SEZ6: variants seen among roughly 807,000 people sequenced by gnomAD.
The protein encoded by SEZ6 is seizure related 6 homolog, also known as seizure protein 6 homolog.
In SEZ6, 53 loss-of-function variants were observed where a neutral mutation model predicts 101.0. The ratio of observed to expected loss-of-function variants is 0.52; its 90% CI spans 0.42 to 0.66. The LOEUF is 0.66. Ranked by LOEUF, SEZ6 falls within the 30% of genes least tolerant of loss-of-function variation. The pLI is 0.00. For missense variants in SEZ6, 1,102 were observed against 1,289.4 expected (o/e 0.85, Z 2.23); for synonymous variants, 488 against 512.2 (o/e 0.95, Z 0.64).
Position 28,981,863 on chromosome 17 carries a change from G to A in SEZ6, c.232C>T (p.Gln78Ter). 1 of 1,613,908 alleles carries A rather than the reference G, an allele frequency of 6.2e-7. No individual in the cohort carries two copies. The highest frequency in any genetic ancestry group is 8.5e-7 in the Non-Finnish European group (1 of 1,179,860). The change falls in exon 2 of 17, where the codon CAA becomes TAA. Residue 78 changes from glutamine (Q) to a stop codon, truncating the protein, a stop_gained. Coordinates refer to ENST00000317338, the MANE Select transcript of SEZ6 (RefSeq NM_178860.5). LOFTEE classifies it high-confidence loss of function. ...NHHPLLEEFL[Q>*]EGLEKGDEEL... Reference sequence around the variant, plus strand: ...TCATCTCCCTTTTCCAGCCCCTCTTGTAGGAATTCCTCAAGCAGCGGGTGG... The same window carrying A: ...TCATCTCCCTTTTCCAGCCCCTCTTATAGGAATTCCTCAAGCAGCGGGTGG...
intron 1 of SEZ6, among the ~76,000 whole-genome samples, chr17:28,990,870 A>G (rs745908838): frequency 1.3e-5 from 2 of 152,168 alleles, no homozygotes; most frequent in African/African-American, 2.4e-5. Context: ...GGCTGATTTG[A>G]GTAGTAATAA....
Position 28,959,616 on chromosome 17 carries a change from C to A in SEZ6, c.1771+82G>T. 6.5e-7 allele frequency: 1 copy of A among 1,532,068 alleles called. No homozygotes were observed. Among genetic ancestry groups the A allele is most frequent in the Non-Finnish European group, 8.8e-7 (1 of 1,140,856 alleles). 94.9% of individuals were successfully genotyped at this position (1,532,068 alleles called of 1,614,324 possible). On this transcript the variant is annotated intron_variant, in intron 8 of 16. Coordinates refer to ENST00000317338, the MANE Select transcript of SEZ6 (RefSeq NM_178860.5). This position sits in a 1 kb window ranked among gnomAD's most constrained non-coding sequence, Gnocchi z 4.4. ...CTGAACCACGCATATCACAGGGCCC[C>A]TGTGGCCCCGGGCTCTGCTGCTATT...
At position 28,955,892 on chromosome 17, in the gene SEZ6, A is replaced by C; in HGVS notation, c.*70T>G. 6.6e-7 allele frequency: 1 copy of C among 1,511,564 alleles called. No homozygotes were observed. 93.6% of individuals were successfully genotyped at this position (1,511,564 alleles called of 1,614,324 possible). A position where few individuals can be genotyped will look rare whatever the true frequency, so the allele number is the denominator to read the frequency against. ...GGTGGAGGGACAGCAGGAAGCAAGG[A>C]GCCTTGCTGCTGGACTGTGGTGCAA... On this transcript the variant is annotated 3_prime_UTR_variant, in exon 17 of 17. Transcript: ENST00000317338.
At position 28,957,184 on chromosome 17, in the gene SEZ6, A is replaced by C; in HGVS notation, c.2553T>G (p.Pro851=). ...LSAPENGARS[P]EKQLHPAGAT... is the part of the protein sequence containing the mutation. ...CCCCTGCTGGGTGTAGCTGCTTCTC[A>C]GGACTTCGGGCACCATTCTCAGGGG... Residue 851 remains proline (P), a synonymous_variant, in exon 13 of 17, where the codon CCT becomes CCG. Coordinates refer to ENST00000317338, the MANE Select transcript of SEZ6 (RefSeq NM_178860.5). 1 of 1,614,000 alleles carries C rather than the reference A, an allele frequency of 6.2e-7. No individual in the cohort carries two copies. Among genetic ancestry groups the C allele is most frequent in the Non-Finnish European group, 8.5e-7 (1 of 1,179,874 alleles).
intron 11 of SEZ6, 51 bp from the exon 12 acceptor site, chr17:28,957,590 G>T: frequency 6.4e-7 from 1 of 1,556,666 alleles, no homozygotes; most frequent in Admixed American, 1.9e-5. Flanking sequence ...ACTAAGCAGA[G>T]GCCAATCCAC....
At chr17:28,985,181 C>T (rs958836269) in intron 1 of SEZ6, among the ~76,000 whole-genome samples, 1 of 152,228 alleles carries the variant, frequency 6.6e-6, no homozygotes, top group African/African-American at 2.4e-5. Context: ...ACTGGAGCTA[C>T]ACAGCAGACA....
intron 12 of SEZ6, 49 bp downstream of exon 12, chr17:28,957,299 T>A: frequency 6.2e-7 from 1 of 1,610,894 alleles, no homozygotes; most frequent in Non-Finnish European, 8.5e-7. Flanking sequence ...CAGGGCAGCA[T>A]CTTTTATCTC....
chr17:29,002,088 C>T (rs61097410), intron 1 of SEZ6, among the ~76,000 whole-genome samples: 5 of 137,884 alleles, frequency 3.6e-5, no homozygotes, highest in African/African-American at 1.1e-4. Flanking sequence ...CCTCTTTCTT[C>T]TTTTTTTTTT....
At chr17:28,984,273 C>T (rs2041347896) in intron 1 of SEZ6, among the ~76,000 whole-genome samples, 1 of 152,236 alleles carries the variant, frequency 6.6e-6, no homozygotes, top group African/African-American at 2.4e-5. Context: ...GCCCACCCCC[C>T]AGACATCACA....
In SEZ6 at chr17:28,970,265, C is replaced by T. The variant is rs575867150; in HGVS notation, c.859-313G>A. On this transcript the variant is annotated intron_variant, in intron 3 of 16. Transcript: ENST00000317338. ...GATACACCAGCTGCTTCCTGTCCTG[C>T]CCCTCCCTGGGCTCTGTTTTCTCAT... Among the ~76,000 whole-genome samples the T allele has an allele frequency of 4.6e-5, 7 of 152,326 alleles. No homozygotes were observed. The South Asian group carries it at 1.5e-3, about 32-fold the overall frequency.
intron 1 of SEZ6, among the ~76,000 whole-genome samples, chr17:28,995,169 G>C (rs537600383): frequency 5.3e-5 from 8 of 152,154 alleles, no homozygotes; most frequent in Non-Finnish European, 8.8e-5. Context: ...CACCGCGCCC[G>C]GCCGACTTGT....
At chr17:28,962,180 T>C (rs1241771233) in intron 5 of SEZ6, among the ~76,000 whole-genome samples, 1 of 152,202 alleles carries the variant, frequency 6.6e-6, no homozygotes, top group Non-Finnish European at 1.5e-5. Context: ...GCTCACTATC[T>C]TGTGCTATTT....
intron 4 of SEZ6, among the ~76,000 whole-genome samples, chr17:28,966,319 CAAA>C (rs35028548): frequency 7.9e-6 from 1 of 127,328 alleles, no homozygotes; most frequent in African/African-American, 2.8e-5. Context: ...ACTAAAAATA[CAAA>C]AAAAAAAAAA....
At chr17:28,989,085 T>C (rs868596693) in intron 1 of SEZ6, among the ~76,000 whole-genome samples, 1 of 151,936 alleles carries the variant, frequency 6.6e-6, no homozygotes, top group Non-Finnish European at 1.5e-5. Context: ...TGGGTGGAGG[T>C]AGTGGGCACC....
In SEZ6 at chr17:28,960,333, C is replaced by T. The variant is rs566359164; in HGVS notation, c.1576+172G>A. On this transcript the variant is annotated intron_variant, in intron 7 of 16. Transcript: ENST00000317338. ...TCCTGCAAAGCTGTGGTAGGGATCC[C>T]GGACCCAAAGAGAGGGGCAGGGAAA... The T allele has an allele frequency of 1.3e-4, 114 of 853,378 alleles. 1 individual carries two copies. In the East Asian group the frequency reaches 1.4e-3, roughly 11 times the overall value. 52.9% of individuals were successfully genotyped at this position (853,378 alleles called of 1,614,324 possible). A position where few individuals can be genotyped will look rare whatever the true frequency, so the allele number is the denominator to read the frequency against.
rs551179829 is a variant in SEZ6 at position 28,980,268 on chromosome 17, C to T, written c.725-455G>A. Among the ~76,000 whole-genome samples, 7 of 148,450 alleles carry T rather than the reference C, an allele frequency of 4.7e-5. No homozygotes were observed. In the East Asian group the frequency reaches 7.9e-4, roughly 17 times the overall value. On this transcript the variant is annotated intron_variant, in intron 2 of 16. Transcript: ENST00000317338. ...TGTTGCTCAGGCTGAAGTGCAATGG[C>T]GTGATCTCAGCTCACTGCAACCTCT...
intron 3 of SEZ6, among the ~76,000 whole-genome samples, chr17:28,974,765 C>A (rs2041199874): frequency 6.6e-6 from 1 of 152,194 alleles, no homozygotes; most frequent in Non-Finnish European, 1.5e-5. Context: ...CAGAATCAGG[C>A]AGGGCTGACT....
Position 28,960,030 on chromosome 17 carries a change from G to T in SEZ6, c.1577-138C>A, listed in dbSNP as rs2040950830. The T allele has an allele frequency of 1.5e-5, 14 of 951,754 alleles. 1 individual carries two copies. The South Asian group carries it at 2.4e-4, about 16-fold the overall frequency. 59.0% of individuals were successfully genotyped at this position (951,754 alleles called of 1,614,324 possible). A position where few individuals can be genotyped will look rare whatever the true frequency, so the allele number is the denominator to read the frequency against. On this transcript the variant is annotated intron_variant, in intron 7 of 16. Coordinates refer to ENST00000317338, the MANE Select transcript of SEZ6 (RefSeq NM_178860.5). The stretch of plus-strand genomic sequence containing the variant: ...AATATATGTCCTGGGGTTGGAGCAG[G>T]AATGTGATGGAGGAGGGACAGCCAA...
chr17:28,991,287 C>T (rs565785875), intron 1 of SEZ6, among the ~76,000 whole-genome samples: 1 of 152,212 alleles, frequency 6.6e-6, no homozygotes, highest in African/African-American at 2.4e-5. Flanking sequence ...TCACTGCAAC[C>T]TCCGCCTCCT....
Sources: gnomAD v4.1 joint callset for allele counts (sites outside exome capture counted in the v4.1 genomes callset) on GRCh38, gnomAD v4.1.1 for gene constraint, Gnocchi (gnomAD v3.1) non-coding constraint, MANE v1.5 for transcripts, NCBI Gene and HGNC (gene_info 2026-07-23, HGNC 2026-07-21) for gene names.